SGCZ: variants seen among roughly 807,000 people sequenced by gnomAD.
SGCZ encodes sarcoglycan zeta.
In SGCZ, 40 loss-of-function variants were observed where a neutral mutation model predicts 41.3. That is an observed-to-expected ratio of 0.97 (90% CI 0.75 to 1.26). The LOEUF (loss-of-function observed/expected upper bound fraction) is 1.26. SGCZ is among the 50% of genes most tolerant of loss of function. The pLI is 0.00. For missense variants in SGCZ, 552 were observed against 369.8 expected, an observed-to-expected ratio of 1.49 and a Z score of -4.04; for synonymous variants, 206 against 137.5, an observed-to-expected ratio of 1.50 and a Z score of -3.49.
intron 2 of SGCZ, among the ~76,000 whole-genome samples, chr8:14,490,946 C>G (rs1210430573): frequency 6.6e-6 from 1 of 152,122 alleles, no homozygotes; most frequent in Non-Finnish European, 1.5e-5. Flanking sequence ...CCATATAATT[C>G]TTAGTTTTAT....
At chr8:14,795,833 A>G (rs1421175043) in intron 1 of SGCZ, among the ~76,000 whole-genome samples, 1 of 151,440 alleles carries the variant, frequency 6.6e-6, no homozygotes, top group Non-Finnish European at 1.5e-5. Context: ...CCCACCCTCC[A>G]CCCTCCGAAA....
intron 6 of SGCZ, among the ~76,000 whole-genome samples, chr8:14,104,794 C>T (rs1050673482): frequency 6.6e-6 from 1 of 152,020 alleles, no homozygotes; most frequent in Admixed American, 6.6e-5. Context: ...AACTTGGAGC[C>T]TGCAAACCTT....
intron 2 of SGCZ, among the ~76,000 whole-genome samples, chr8:14,534,785 C>T (rs13254052): frequency 0.16 from 23,976 of 151,818 alleles, 1,928 homozygotes; most frequent in South Asian, 0.21. Context: ...ATGCACATCA[C>T]GGAATCCTAA....
intron 4 of SGCZ, among the ~76,000 whole-genome samples, chr8:14,228,979 C>T (rs964167402): frequency 2.0e-5 from 3 of 152,048 alleles, no homozygotes; most frequent in Non-Finnish European, 2.9e-5. Flanking sequence ...CACTGTTAAG[C>T]GGAGCTGGCT....
At chr8:15,144,248 AT>A (rs1798972951) in intron 1 of SGCZ, among the ~76,000 whole-genome samples, 1 of 152,088 alleles carries the variant, frequency 6.6e-6, no homozygotes, top group South Asian at 2.1e-4. Flanking sequence ...GACTTAAAAT[AT>A]TTCTTATGCA....
Position 15,119,028 on chromosome 8 carries a change from TG to T in SGCZ, c.39+118556del, listed in dbSNP as rs1410663751. On this transcript the variant is annotated intron_variant, in intron 1 of 7. Transcript: ENST00000382080. ...GCTATTTGAGTAGAAGGCACGCTTT[TG>T]GGAAATTACACTATGCAATAAATTA... 4.7e-4 allele frequency among the ~76,000 whole-genome samples: 71 copies of T among 152,178 alleles called. 1 individual carries two copies. The highest frequency in any genetic ancestry group is 1.8e-4 in the Non-Finnish European group (12 of 68,026).
chr8:14,125,632 A>G (rs1242937569), intron 5 of SGCZ, among the ~76,000 whole-genome samples: 1 of 152,242 alleles, frequency 6.6e-6, no homozygotes, highest in Non-Finnish European at 1.5e-5. Flanking sequence ...AAAATACTTT[A>G]AAATTCATAT....
chr8:14,306,683 T>G (rs1243111165), intron 3 of SGCZ, among the ~76,000 whole-genome samples: 2 of 141,978 alleles, frequency 1.4e-5, no homozygotes, highest in African/African-American at 5.2e-5. Context: ...AGACACTGAA[T>G]TAAGAAGAAA....
At chr8:14,869,669 T>C (rs959302530) in intron 1 of SGCZ, among the ~76,000 whole-genome samples, 2 of 152,200 alleles carry the variant, frequency 1.3e-5, no homozygotes, top group Admixed American at 6.5e-5. Flanking sequence ...GCAGATGACA[T>C]AAATGTATAT....
chr8:14,951,085 T>G (rs1800621321), intron 1 of SGCZ, among the ~76,000 whole-genome samples: 1 of 152,040 alleles, frequency 6.6e-6, no homozygotes, highest in South Asian at 2.1e-4. Flanking sequence ...AAAATCTGGT[T>G]GTTATTGTGT....
chr8:14,961,930 G>T (rs1232458361), intron 1 of SGCZ, among the ~76,000 whole-genome samples: 1 of 152,198 alleles, frequency 6.6e-6, no homozygotes, highest in Non-Finnish European at 1.5e-5. Flanking sequence ...ATAATTTACT[G>T]TGGCTTCTGA....
chr8:14,273,461 C>A (rs1212409406), intron 3 of SGCZ, among the ~76,000 whole-genome samples: 1 of 152,140 alleles, frequency 6.6e-6, no homozygotes, highest in African/African-American at 2.4e-5. Flanking sequence ...CAACTCCTCA[C>A]ACTCTCCCTA....
intron 1 of SGCZ, among the ~76,000 whole-genome samples, chr8:14,567,450 T>G (rs1585086558): frequency 6.6e-6 from 1 of 152,180 alleles, no homozygotes; most frequent in East Asian, 1.9e-4. Flanking sequence ...AGAACTTTTG[T>G]GTCTGGCTCA....
chr8:14,602,848 C>T (rs984886221), intron 1 of SGCZ, among the ~76,000 whole-genome samples: 1 of 152,160 alleles, frequency 6.6e-6, no homozygotes, highest in East Asian at 1.9e-4. Context: ...AAGGACTGTG[C>T]TTCATAGGCA....
intron 1 of SGCZ, among the ~76,000 whole-genome samples, chr8:14,595,532 G>C (rs554690432): frequency 3.4e-4 from 51 of 152,016 alleles, no homozygotes; most frequent in African/African-American, 1.2e-3. Context: ...TAGAACAGTG[G>C]ACTGAAGTTC....
intron 1 of SGCZ, among the ~76,000 whole-genome samples, chr8:15,116,938 A>T (rs901069114): frequency 1.3e-5 from 2 of 152,212 alleles, no homozygotes; most frequent in Admixed American, 1.3e-4. Flanking sequence ...TTTATTCAAG[A>T]TTGATAGTTC....
intron 2 of SGCZ, among the ~76,000 whole-genome samples, chr8:14,444,435 G>A (rs1286360249): frequency 1.3e-5 from 2 of 152,036 alleles, no homozygotes; most frequent in South Asian, 2.1e-4. Flanking sequence ...ATGATAGACT[G>A]GATCAAGAAA....
chr8:14,860,869 A>G (rs1238168884), intron 1 of SGCZ, among the ~76,000 whole-genome samples: 5 of 152,148 alleles, frequency 3.3e-5, no homozygotes, highest in African/African-American at 9.7e-5. Flanking sequence ...TAACACTCCA[A>G]TGTTTCCATT....
At chr8:14,605,700 G>T (rs190845765) in intron 1 of SGCZ, among the ~76,000 whole-genome samples, 1 of 152,102 alleles carries the variant, frequency 6.6e-6, no homozygotes, top group Non-Finnish European at 1.5e-5. Context: ...ATCACAGAGA[G>T]TGTTGACTTC....
Sources: allele counts gnomAD v4.1 joint callset (sites outside exome capture counted in the v4.1 genomes callset), GRCh38; gene constraint gnomAD v4.1.1; transcripts MANE v1.5; gene names NCBI Gene and HGNC (gene_info 2026-07-23, HGNC 2026-07-21).